GRIP1: variants seen among roughly 807,000 people sequenced by gnomAD.
GRIP1 encodes glutamate receptor interacting protein 1, also known as glutamate receptor-interacting protein 1.
A neutral mutation model predicts 129.9 loss-of-function variants in GRIP1; 45 were observed. That is an observed-to-expected ratio of 0.35 (90% CI 0.27 to 0.44). GRIP1 has a LOEUF of 0.44. Among genes scored for constraint, GRIP1 ranks in the 20% least tolerant of loss-of-function variants. The pLI, the probability that GRIP1 is intolerant of heterozygous loss-of-function variation, is 1.00. For missense variants in GRIP1, 1,196 were observed against 1,396.8 expected (o/e 0.86, Z 2.29); for synonymous variants, 530 against 520.8 (o/e 1.02, Z -0.24).
intron 14 of GRIP1, among the ~76,000 whole-genome samples, chr12:66,429,432 C>G (rs1454926870): frequency 6.6e-6 from 1 of 152,162 alleles, no homozygotes; most frequent in African/African-American, 2.4e-5. Flanking sequence ...CATGGTGGCT[C>G]ACACCTGTAA....
intron 1 of GRIP1, among the ~76,000 whole-genome samples, chr12:66,962,372 G>A (rs935319070): frequency 1.3e-5 from 2 of 152,156 alleles, no homozygotes; most frequent in Admixed American, 1.3e-4. Context: ...TGGGTCAAGT[G>A]GAGAGGCCTT....
intron 1 of GRIP1, among the ~76,000 whole-genome samples, chr12:66,687,468 T>C (rs1429127211): frequency 1.3e-5 from 2 of 152,070 alleles, no homozygotes; most frequent in Non-Finnish European, 2.9e-5. Context: ...GGCTGTTTCA[T>C]CTTGGGTAAA....
intron 1 of GRIP1, among the ~76,000 whole-genome samples, chr12:66,999,781 A>G (rs2042523818): frequency 6.6e-6 from 1 of 152,198 alleles, no homozygotes; most frequent in Non-Finnish European, 1.5e-5. Context: ...ATTATATATC[A>G]TGGTTCCATC....
chr12:66,721,466 C>A (rs917063041), intron 1 of GRIP1, among the ~76,000 whole-genome samples: 4 of 151,974 alleles, frequency 2.6e-5, no homozygotes, highest in Admixed American at 6.6e-5. Flanking sequence ...GTAGAGAAAG[C>A]GTTTTATCAT....
chr12:66,622,325 A>G (rs2065306221), intron 1 of GRIP1, among the ~76,000 whole-genome samples: 1 of 152,112 alleles, frequency 6.6e-6, no homozygotes, highest in Non-Finnish European at 1.5e-5. Flanking sequence ...AAAAATATAG[A>G]TAGAATGAAT....
At chr12:66,819,439 A>G (rs554657401) in intron 1 of GRIP1, among the ~76,000 whole-genome samples, 1 of 152,336 alleles carries the variant, frequency 6.6e-6, no homozygotes, top group African/African-American at 2.4e-5. Context: ...GTGTCACAGG[A>G]AATCATGATA....
chr12:66,448,171 G>A (rs556932496), intron 11 of GRIP1, among the ~76,000 whole-genome samples: 2 of 151,860 alleles, frequency 1.3e-5, no homozygotes, highest in South Asian at 4.2e-4. Context: ...CTCTCTCATT[G>A]GCTCCTCAAA....
At chr12:66,481,437 G>A (rs1351907600) in intron 7 of GRIP1, among the ~76,000 whole-genome samples, 2 of 152,196 alleles carry the variant, frequency 1.3e-5, no homozygotes, top group Non-Finnish European at 2.9e-5. Context: ...TCATTAAAAA[G>A]TTAGGAAACA....
intron 1 of GRIP1, among the ~76,000 whole-genome samples, chr12:66,717,149 T>C (rs528585300): frequency 2.2e-4 from 33 of 152,198 alleles, no homozygotes; most frequent in African/African-American, 7.0e-4. Flanking sequence ...TTATAGAACA[T>C]ACATATTTAT....
intron 1 of GRIP1, among the ~76,000 whole-genome samples, chr12:67,010,512 GT>G (rs1484822990): frequency 6.6e-6 from 1 of 152,132 alleles, no homozygotes; most frequent in Non-Finnish European, 1.5e-5. Context: ...AACGAGTTCA[GT>G]TTTAGATGCC....
intron 24 of GRIP1, among the ~76,000 whole-genome samples, chr12:66,350,304 C>T (rs2054165029): frequency 6.6e-6 from 1 of 152,020 alleles, no homozygotes; most frequent in Admixed American, 6.6e-5. Flanking sequence ...TCGAGACCAG[C>T]CTGCCCAAAA....
chr12:67,043,618 C>T (rs2043210943), intron 1 of GRIP1, among the ~76,000 whole-genome samples: 1 of 152,130 alleles, frequency 6.6e-6, no homozygotes, highest in South Asian at 2.1e-4. Flanking sequence ...GCCCCCCATT[C>T]TCACAGTTGG....
At chr12:66,881,780 T>C (rs1457639715) in intron 1 of GRIP1, among the ~76,000 whole-genome samples, 6 of 152,230 alleles carry the variant, frequency 3.9e-5, no homozygotes, top group South Asian at 2.1e-4. Context: ...CTGTGGGCTG[T>C]TGGGAATAAA....
chr12:66,457,597 T>C (rs2059005351), intron 9 of GRIP1, among the ~76,000 whole-genome samples: 1 of 152,232 alleles, frequency 6.6e-6, no homozygotes, highest in South Asian at 2.1e-4. Flanking sequence ...TTCATGATTT[T>C]GGTGTTAGGT....
intron 1 of GRIP1, among the ~76,000 whole-genome samples, chr12:66,613,940 A>ATGAG (rs750100824): frequency 2.0e-5 from 3 of 152,200 alleles, no homozygotes; most frequent in Non-Finnish European, 4.4e-5. Flanking sequence ...ATCAGCATTA[A>ATGAG]TGCTATTTTA....
intron 1 of GRIP1, among the ~76,000 whole-genome samples, chr12:66,876,062 G>A (rs1289993499): frequency 6.6e-6 from 1 of 151,836 alleles, no homozygotes; most frequent in Non-Finnish European, 1.5e-5. Flanking sequence ...TCAACTGTTA[G>A]GCAATTTAAA....
chr12:66,719,794 G>A (rs560500304), intron 1 of GRIP1, among the ~76,000 whole-genome samples: 1 of 152,268 alleles, frequency 6.6e-6, no homozygotes, highest in South Asian at 2.1e-4. Context: ...TAAACAACTG[G>A]AATGTTCGGG....
At chr12:66,984,204 G>A (rs935956601) in intron 1 of GRIP1, among the ~76,000 whole-genome samples, 1 of 152,122 alleles carries the variant, frequency 6.6e-6, no homozygotes, top group Non-Finnish European at 1.5e-5. Flanking sequence ...AGACATCCCA[G>A]CAACTGCAAA....
chr12:66,644,607 T>C (rs1253031330), intron 1 of GRIP1, among the ~76,000 whole-genome samples: 1 of 152,190 alleles, frequency 6.6e-6, no homozygotes, highest in Admixed American at 6.5e-5. Context: ...CATACACCAC[T>C]TTCACACTCA....
Sources: gnomAD v4.1 joint callset for allele counts (sites outside exome capture counted in the v4.1 genomes callset) on GRCh38, gnomAD v4.1.1 for gene constraint, MANE v1.5 for transcripts, NCBI Gene and HGNC (gene_info 2026-07-23, HGNC 2026-07-21) for gene names.